Variants in LPIN1 observed in about 807,000 individuals in gnomAD.
LPIN1 encodes phosphatidate phosphatase LPIN1.
LPIN1 carries 71 observed loss-of-function variants against 107.5 expected under a neutral mutation model. That is an observed-to-expected ratio of 0.66 (90% CI 0.55 to 0.80). LPIN1 has a LOEUF of 0.80. LPIN1 is among the 30% of genes least tolerant of loss of function. The pLI is 0.00. For synonymous variants in LPIN1, 445 were observed against 452.6 expected, an observed-to-expected ratio of 0.98 and a Z score of 0.21; for missense variants, 1,043 against 1,160.6, an observed-to-expected ratio of 0.90 and a Z score of 1.47.
At chr2:11,684,941 A>G (rs1661923739) in intron 1 of LPIN1, among the ~76,000 whole-genome samples, 1 of 102,038 alleles carries the variant, frequency 9.8e-6, no homozygotes. Flanking sequence ...CGTGAATAAA[A>G]CAAACATCCT....
At chr2:11,688,520 C>T (rs557145859) in intron 1 of LPIN1, among the ~76,000 whole-genome samples, 14 of 152,288 alleles carry the variant, frequency 9.2e-5, no homozygotes, top group African/African-American at 2.6e-4. Context: ...TCCTCATTTA[C>T]CCCGTAAAAG....
rs1485736937 is a variant in LPIN1 at position 11,827,327 on chromosome 2, CTG to C, written c.*2538_*2539del. 6.6e-6 allele frequency: 1 copy of C among 152,194 alleles called. No homozygotes were observed. The highest frequency in any genetic ancestry group is 1.5e-5 in the Non-Finnish European group (1 of 68,034). 9.4% of individuals were successfully genotyped at this position (152,194 alleles called of 1,614,324 possible). ...TATGCTGATGCAATGATAAAAATCA[CTG>C]TAATACTTCATTGTGTTGTACTGGA... On this transcript the variant is annotated 3_prime_UTR_variant, in exon 21 of 21. Transcript: ENST00000674199. This position sits in a 1 kb window ranked among gnomAD's most constrained non-coding sequence, Gnocchi z 4.1.
chr2:11,762,518 ATCCTCCGAGAG>A, intron 1 of LPIN1, among the ~76,000 whole-genome samples: 2 of 152,210 alleles, frequency 1.3e-5, no homozygotes, highest in South Asian at 4.1e-4. Context: ...TCCAGCCCCC[ATCCTCCGAGAG>A]TCCTCTGATT....
At chr2:11,778,019 C>T (rs571653421) in intron 6 of LPIN1, among the ~76,000 whole-genome samples, 9 of 152,304 alleles carry the variant, frequency 5.9e-5, no homozygotes, top group Admixed American at 2.0e-4. Flanking sequence ...GCAGTGATAC[C>T]GAACACGTGA....
chr2:11,820,692 A>G (rs533056621), intron 20 of LPIN1, among the ~76,000 whole-genome samples, 178 bp downstream of exon 20: 1 of 152,360 alleles, frequency 6.6e-6, no homozygotes, highest in African/African-American at 2.4e-5. Flanking sequence ...TTTTTAGACA[A>G]CTGGAATTAA....
chr2:11,764,659 G>A (rs1009903173), intron 1 of LPIN1, among the ~76,000 whole-genome samples: 1 of 152,244 alleles, frequency 6.6e-6, no homozygotes, highest in African/African-American at 2.4e-5. Flanking sequence ...GCAGGCAAAG[G>A]CCACATGGAA....
rs1682271757 is a variant in LPIN1, at chr2:11,825,600, A to C, written c.*809A>C. The stretch of plus-strand genomic sequence containing the variant: ...ATTAAAATGACAGTAAATATTACTA[A>C]GGCAGTATTTTGAATGAGTTTGACA... On this transcript the variant is annotated 3_prime_UTR_variant, in exon 21 of 21. Coordinates refer to ENST00000674199, the MANE Select transcript of LPIN1 (RefSeq NM_001349206.2). The surrounding 1 kb of genome is among the most constrained non-coding windows in gnomAD (Gnocchi z 4.1). 1.3e-5 allele frequency: 2 copies of C among 152,626 alleles called. No homozygotes were observed. Among genetic ancestry groups the C allele is most frequent in the South Asian group, 4.1e-4 (2 of 4,824 alleles). The allele number at this position is 152,626 out of a possible 1,614,324, so 9.5% of individuals were successfully genotyped here.
At chr2:11,767,657 G>A in intron 2 of LPIN1, 106 bp from the exon 3 acceptor site, 1 of 764,454 alleles carries the variant, frequency 1.3e-6, no homozygotes, top group Non-Finnish European at 2.4e-6. Context: ...TGGCACTTCA[G>A]GGTGTATGCG....
At chr2:11,761,454 G>A (rs555289720) in intron 1 of LPIN1, among the ~76,000 whole-genome samples, 1 of 152,324 alleles carries the variant, frequency 6.6e-6, no homozygotes, top group Non-Finnish European at 1.5e-5. Context: ...GCAGATGTGT[G>A]TTCCTCCTTG....
At chr2:11,764,444 G>T (rs978535565) in intron 1 of LPIN1, among the ~76,000 whole-genome samples, 1 of 152,184 alleles carries the variant, frequency 6.6e-6, no homozygotes, top group Non-Finnish European at 1.5e-5. Flanking sequence ...ACTATGCCCC[G>T]CTAGTTCCTT....
chr2:11,781,705 G>A (rs141292195), intron 7 of LPIN1, among the ~76,000 whole-genome samples: 23 of 152,326 alleles, frequency 1.5e-4, no homozygotes, highest in African/African-American at 4.6e-4. Flanking sequence ...GAACAGATCT[G>A]TGCAGCGTGC....
intron 1 of LPIN1, among the ~76,000 whole-genome samples, chr2:11,756,298 T>C (rs1361131499): frequency 3.9e-5 from 6 of 152,366 alleles, no homozygotes; most frequent in Non-Finnish European, 7.3e-5. Context: ...CATTGTTATT[T>C]ACTTGCATAA....
rs561359486 is a variant in LPIN1 at position 11,783,772 on chromosome 2, G to A, written c.1265-57G>A. 4.2e-5 allele frequency: 58 copies of A among 1,381,054 alleles called. No homozygotes were observed. The African/African-American group carries it at 7.2e-4, about 17-fold the overall frequency. The allele number at this position is 1,381,054 out of a possible 1,614,324, so 85.5% of individuals were successfully genotyped here. ...TAAATGCTGTTTCTATAGATACAAG[G>A]CCATGAGCTCATTTCTAGAAGAGTG... is the stretch of plus-strand genomic sequence containing the variant. On this transcript the variant is annotated intron_variant, in intron 8 of 20. Transcript: ENST00000674199.
chr2:11,741,228 G>C, intron 1 of LPIN1: 4 of 639,976 alleles, frequency 6.3e-6, no homozygotes, highest in Non-Finnish European at 1.1e-5. Context: ...TCCTGCCCCA[G>C]CTGTGTCCCT....
rs72773999 is a variant in LPIN1 at position 11,771,831 on chromosome 2, G to A, written c.596+152G>A. ...CTTTTTGGCACTAGGGACCAGTTTT[G>A]TGGAAGACAGTGTTTCCATGGACCA... On this transcript the variant is annotated intron_variant, in intron 4 of 20. Coordinates refer to ENST00000674199, the MANE Select transcript of LPIN1 (RefSeq NM_001349206.2). The surrounding 1 kb of genome is among the most constrained non-coding windows in gnomAD (Gnocchi z 4.8). The A allele has an allele frequency of 1.4e-6, 1 of 729,588 alleles. No individual in the cohort carries two copies. Among genetic ancestry groups the A allele is most frequent in the African/African-American group, 1.8e-5 (1 of 56,348 alleles). 45.2% of individuals were successfully genotyped at this position (729,588 alleles called of 1,614,324 possible). A position where few individuals can be genotyped will look rare whatever the true frequency, so the allele number is the denominator to read the frequency against.
chr2:11,820,555 C>T, intron 20 of LPIN1, 41 bp downstream of exon 20: 1 of 1,426,376 alleles, frequency 7.0e-7, no homozygotes, highest in Non-Finnish European at 9.9e-7. Context: ...GATATCAGTA[C>T]TATTATCTTA....
chr2:11,730,943 G>A (rs1199184738), intron 1 of LPIN1, among the ~76,000 whole-genome samples: 2 of 152,196 alleles, frequency 1.3e-5, no homozygotes, highest in Non-Finnish European at 2.9e-5. Flanking sequence ...GAGGTGGGGA[G>A]GGGCAGAAAT....
At chr2:11,687,071 C>T (rs557286622) in intron 1 of LPIN1, among the ~76,000 whole-genome samples, 2 of 143,552 alleles carry the variant, frequency 1.4e-5, no homozygotes, top group South Asian at 4.5e-4. Flanking sequence ...GATCACAGCT[C>T]ACTGCAGCCT....
chr2:11,729,638 G>A (rs1419326164), intron 1 of LPIN1, among the ~76,000 whole-genome samples: 1 of 152,196 alleles, frequency 6.6e-6, no homozygotes, highest in Non-Finnish European at 1.5e-5. Flanking sequence ...TAGAGTAGGT[G>A]CAACAGAGAC....
Sources: allele counts gnomAD v4.1 joint callset (sites outside exome capture counted in the v4.1 genomes callset), GRCh38; gene constraint gnomAD v4.1.1; non-coding constraint Gnocchi (gnomAD v3.1); transcripts MANE v1.5; gene names NCBI Gene and HGNC (gene_info 2026-07-23, HGNC 2026-07-21).